Variants in CHIC1 observed in about 807,000 individuals in gnomAD.
CHIC1 encodes cysteine rich hydrophobic domain 1, also known as cysteine-rich hydrophobic domain-containing protein 1.
In CHIC1, 7 loss-of-function variants were observed where a neutral mutation model predicts 18.5. The observed-to-expected ratio is 0.38, with a 90% CI of 0.22 to 0.71. CHIC1 has a LOEUF of 0.71. CHIC1 is among the 30% of genes least tolerant of loss of function. CHIC1 has a pLI of 0.49. For missense variants in CHIC1, 159 were observed against 176.9 expected (o/e 0.90, Z 0.57); for synonymous variants, 77 against 73.5 (o/e 1.05, Z -0.25).
At chrX:73,634,752 G>T (rs998490613) in intron 3 of CHIC1, among the ~76,000 whole-genome samples, 4 of 111,384 alleles carry the variant, frequency 3.6e-5, no homozygotes, top group African/African-American at 1.3e-4. Flanking sequence ...AGTATTCAAG[G>T]TGCAGAGAGA....
intron 3 of CHIC1, among the ~76,000 whole-genome samples, chrX:73,645,986 C>A (rs762390341): frequency 1.1e-3 from 119 of 111,655 alleles, no homozygotes; most frequent in African/African-American, 3.8e-3. Context: ...GGAGTTTTTA[C>A]CCTATGTTTT....
chrX:73,572,394 T>G (rs1317883464), intron 1 of CHIC1, among the ~76,000 whole-genome samples: 1 of 110,997 alleles, frequency 9.0e-6, no homozygotes, highest in Non-Finnish European at 1.9e-5. Flanking sequence ...TCCATATCCT[T>G]GCTGCTATGC....
intron 3 of CHIC1, among the ~76,000 whole-genome samples, chrX:73,626,063 G>A (rs1300655050): frequency 9.0e-6 from 1 of 111,165 alleles, no homozygotes; most frequent in Non-Finnish European, 1.9e-5. Flanking sequence ...GACCCCAAGA[G>A]AGGGTTCTTG....
At chrX:73,629,994 C>A (rs1033469032) in intron 3 of CHIC1, among the ~76,000 whole-genome samples, 8 of 111,616 alleles carry the variant, frequency 7.2e-5, no homozygotes, top group Non-Finnish European at 1.5e-4. Context: ...CTTCACTATA[C>A]AAATATTTCA....
intron 3 of CHIC1, among the ~76,000 whole-genome samples, chrX:73,657,501 T>C (rs1414393548): frequency 8.9e-6 from 1 of 112,475 alleles, no homozygotes; most frequent in Non-Finnish European, 1.9e-5. Flanking sequence ...AAGTTGCTTA[T>C]CAACTTAAGC....
intron 3 of CHIC1, among the ~76,000 whole-genome samples, chrX:73,618,102 G>T (rs2057741414): frequency 9.0e-6 from 1 of 111,544 alleles, no homozygotes; most frequent in Non-Finnish European, 1.9e-5. Flanking sequence ...GTACTGGGAG[G>T]TGTCTGCACA....
chrX:73,664,842 A>C (rs1324677166), intron 3 of CHIC1, among the ~76,000 whole-genome samples: 1 of 110,786 alleles, frequency 9.0e-6, no homozygotes, highest in Admixed American at 9.6e-5. Context: ...TGTTCGCACA[A>C]CTCATCATAT....
At position 73,603,764 on chromosome X, in the gene CHIC1, G is replaced by A. The variant is rs765200125; in HGVS notation, c.507+19192G>A. ...TCTGCATCTATTGAGATAATCTTGT[G>A]GGTTTGGTCAATGATTCTGTTTATG... On this transcript the variant is annotated intron_variant, in intron 3 of 5. Coordinates refer to ENST00000373502, the MANE Select transcript of CHIC1 (RefSeq NM_001039840.4). Among the ~76,000 whole-genome samples the A allele has an allele frequency of 2.8e-5, 3 of 108,672 alleles. No individual in the cohort carries two copies. In the East Asian group the frequency reaches 8.5e-4, roughly 31 times the overall value. 94.4% of individuals were successfully genotyped at this position (108,672 alleles called of 115,157 possible).
intron 1 of CHIC1, among the ~76,000 whole-genome samples, chrX:73,571,745 A>G (rs1385338018): frequency 9.0e-6 from 1 of 111,368 alleles, no homozygotes; most frequent in African/African-American, 3.2e-5. Flanking sequence ...TCAATTGCTG[A>G]TTTATTTACT....
intron 3 of CHIC1, among the ~76,000 whole-genome samples, chrX:73,614,353 C>A (rs1352742650): frequency 9.0e-6 from 1 of 111,215 alleles, no homozygotes; most frequent in African/African-American, 3.3e-5. Flanking sequence ...GAGGGGACTT[C>A]TTTGAATGGT....
chrX:73,632,763 C>CTTTTTTTTTTT (rs778008597), intron 3 of CHIC1, among the ~76,000 whole-genome samples: 2 of 63,654 alleles, frequency 3.1e-5, no homozygotes, highest in Non-Finnish European at 6.0e-5. Flanking sequence ...TATTGTTATT[C>CTTTTTTTTTTT]TTTTTTTTTT....
chrX:73,601,776 G>A (rs2057652100), intron 3 of CHIC1, among the ~76,000 whole-genome samples: 1 of 106,904 alleles, frequency 9.4e-6, no homozygotes, highest in Non-Finnish European at 1.9e-5. Context: ...CCAGGAGCTG[G>A]TTTTTTTGAA....
intron 3 of CHIC1, among the ~76,000 whole-genome samples, chrX:73,585,632 C>T (rs2086643708): frequency 9.0e-6 from 1 of 111,308 alleles, no homozygotes; most frequent in Non-Finnish European, 1.9e-5. Flanking sequence ...TTTTAAAAGC[C>T]TCAGTATGAA....
chrX:73,677,136 G>A (rs761665031), intron 3 of CHIC1, among the ~76,000 whole-genome samples: 3 of 111,684 alleles, frequency 2.7e-5, no homozygotes, highest in South Asian at 3.8e-4. Context: ...GTGTCAGTTC[G>A]CCCCTACTGG....
At chrX:73,645,883 GC>G (rs2057886897) in intron 3 of CHIC1, among the ~76,000 whole-genome samples, 1 of 111,511 alleles carries the variant, frequency 9.0e-6, no homozygotes, top group Admixed American at 9.5e-5. Flanking sequence ...CCTTTGCAAA[GC>G]AAAGGAAATA....
At chrX:73,679,515 T>G in intron 4 of CHIC1, 133 bp downstream of exon 4, 6 of 560,040 alleles carry the variant, frequency 1.1e-5, no homozygotes, top group Non-Finnish European at 1.7e-5. Flanking sequence ...TTAATATATA[T>G]TCTTTACAAG....
chrX:73,676,749 G>T (rs1041288565), intron 3 of CHIC1, among the ~76,000 whole-genome samples: 17 of 111,990 alleles, frequency 1.5e-4, no homozygotes, highest in Non-Finnish European at 2.3e-4. Flanking sequence ...GTCATTCTCT[G>T]TTCAGCTTTG....
intron 3 of CHIC1, among the ~76,000 whole-genome samples, chrX:73,638,528 TA>T (rs1237238676): frequency 4.6e-5 from 5 of 108,832 alleles, no homozygotes; most frequent in Non-Finnish European, 5.8e-5. Context: ...GTCTTTTCTT[TA>T]AAAAAAAAAT....
intron 3 of CHIC1, among the ~76,000 whole-genome samples, chrX:73,676,623 A>T (rs1315931408): frequency 9.0e-6 from 1 of 110,531 alleles, no homozygotes; most frequent in African/African-American, 3.3e-5. Context: ...TATTCTAGTT[A>T]TCCATTTTTC....
Sources: allele counts gnomAD v4.1 joint callset (sites outside exome capture counted in the v4.1 genomes callset), GRCh38; gene constraint gnomAD v4.1.1; transcripts MANE v1.5; gene names NCBI Gene and HGNC (gene_info 2026-07-23, HGNC 2026-07-21).